The following MRPS18B variants were observed in gnomAD, a reference collection of about 807,000 sequenced individuals.
The protein encoded by MRPS18B is mitochondrial ribosomal protein S18B.
Under a neutral mutation model 28.4 loss-of-function variants are expected in MRPS18B, and 27 were observed. That is an observed-to-expected ratio of 0.95 (90% CI 0.70 to 1.31). MRPS18B has a LOEUF of 1.31. Ranked by LOEUF, MRPS18B falls within the 40% of genes most tolerant of loss-of-function variation. MRPS18B has a pLI of 0.00. For missense variants in MRPS18B, 343 were observed against 335.9 expected, an observed-to-expected ratio of 1.02 and a Z score of -0.17; for synonymous variants, 118 against 123.7, an observed-to-expected ratio of 0.95 and a Z score of 0.30.
chr6:30,625,537 C>G lies in MRPS18B; in HGVS notation c.517C>G (p.Arg173Gly), dbSNP rs760083966. ...LIYHIPQVEP[R>G]DLDFSTSHGA... is the part of the protein sequence containing the mutation. ...TTACCACATCCCCCAGGTTGAACCACGGGACCTTGACTTCAGTACCTCTCA... is the reference window on the plus strand; with the variant it reads ...TTACCACATCCCCCAGGTTGAACCAGGGGACCTTGACTTCAGTACCTCTCA... The change falls in exon 7 of 7, where the codon CGG (arginine) becomes GGG (glycine). Residue 173 changes from arginine (R) to glycine (G), a missense_variant. Transcript: ENST00000259873. 2.3e-5 allele frequency: 36 copies of G among 1,582,892 alleles called. No individual in the cohort carries two copies. The highest frequency in any genetic ancestry group is 2.6e-5 in the Non-Finnish European group (30 of 1,157,700).
At chr6:30,624,809 C>T in intron 5 of MRPS18B, 74 bp from the exon 6 acceptor site, 9 of 1,540,030 alleles carry the variant, frequency 5.8e-6, no homozygotes, top group Non-Finnish European at 7.2e-6. Flanking sequence ...ATCTACCCCT[C>T]TGTCACCATA....
intron 6 of MRPS18B, 105 bp from the exon 7 acceptor site, chr6:30,625,397 C>G: frequency 8.7e-7 from 1 of 1,151,876 alleles, no homozygotes; most frequent in East Asian, 2.4e-5. Context: ...CATAAATGTA[C>G]CTGGTGGCTC....
intron 5 of MRPS18B, 53 bp downstream of exon 5, chr6:30,622,951 G>A (rs1406256381): frequency 6.4e-7 from 1 of 1,562,142 alleles, no homozygotes; most frequent in Non-Finnish European, 8.8e-7. Flanking sequence ...GGCATGCCTT[G>A]TTTATGTAGT....
intron 1 of MRPS18B, chr6:30,618,432 A>ATT (rs1431256795): frequency 2.7e-4 from 46 of 167,328 alleles, no homozygotes; most frequent in Non-Finnish European, 5.2e-4. Flanking sequence ...CAATAAGGTC[A>ATT]GGATATATTC....
At position 30,625,927 on chromosome 6, in the gene MRPS18B, CTCG is replaced by C; in HGVS notation, c.*133_*135del. The stretch of plus-strand genomic sequence containing the variant: ...ACCAGCCTGGGCACCATGGTGAAAC[CTCG>C]TCTTTACCAAAAAATACAAAAATTA... On this transcript the variant is annotated 3_prime_UTR_variant, in exon 7 of 7. Transcript: ENST00000259873. 1 of 997,754 alleles carries C rather than the reference CTCG, an allele frequency of 1.0e-6. No individual in the cohort carries two copies. Among genetic ancestry groups the C allele is most frequent in the Non-Finnish European group, 1.5e-6 (1 of 685,900 alleles). 61.8% of individuals were successfully genotyped at this position (997,754 alleles called of 1,614,324 possible). A position where few individuals can be genotyped will look rare whatever the true frequency, so the allele number is the denominator to read the frequency against.
At chr6:30,622,990 C>T in intron 5 of MRPS18B, 92 bp downstream of exon 5, 2 of 1,268,798 alleles carry the variant, frequency 1.6e-6, no homozygotes. Context: ...TCAGTGGCTC[C>T]TGCTTATAGC....
chr6:30,626,100 A>C lies in MRPS18B; in HGVS notation c.*303A>C. Reference sequence around the variant, plus strand: ...GGTGACAGCTAGACCCTGTCTCAAAAAAAAAAAAAAAGACTGGGAAGAGAG... The same window carrying C: ...GGTGACAGCTAGACCCTGTCTCAAACAAAAAAAAAAAGACTGGGAAGAGAG... On this transcript the variant is annotated 3_prime_UTR_variant, in exon 7 of 7. Coordinates refer to ENST00000259873, the MANE Select transcript of MRPS18B (RefSeq NM_014046.4). The C allele has an allele frequency of 3.0e-6, 1 of 329,874 alleles. No homozygotes were observed. 20.4% of individuals were successfully genotyped at this position (329,874 alleles called of 1,614,324 possible).
chr6:30,622,744 T>C (rs974161731), intron 4 of MRPS18B, 88 bp from the exon 5 acceptor site: 2 of 1,244,214 alleles, frequency 1.6e-6, no homozygotes, highest in East Asian at 4.6e-5. Context: ...CATGTGGGTG[T>C]GTAGGGATTG....
rs35997671 is a variant in MRPS18B at position 30,626,096 on chromosome 6, CAAAA to C, written c.*311_*314del. ...CCTGGGTGACAGCTAGACCCTGTCT[CAAAA>C]AAAAAAAAAAAGACTGGGAAGAGAG... On this transcript the variant is annotated 3_prime_UTR_variant, in exon 7 of 7. Transcript: ENST00000259873. 576 of 204,486 alleles carry C rather than the reference CAAAA, an allele frequency of 2.8e-3. No homozygotes were observed. Among genetic ancestry groups the C allele is most frequent in the African/African-American group, 0.011 (383 of 33,790 alleles). The allele number at this position is 204,486 out of a possible 1,614,324, so 12.7% of individuals were successfully genotyped here. A position where few individuals can be genotyped will look rare whatever the true frequency, so the allele number is the denominator to read the frequency against.
At chr6:30,625,196 T>C (rs1478164899) in intron 6 of MRPS18B, among the ~76,000 whole-genome samples, 1 of 152,214 alleles carries the variant, frequency 6.6e-6, no homozygotes, top group African/African-American at 2.4e-5. Flanking sequence ...GGAAGTTCTT[T>C]ATATAAATGT....
chr6:30,623,353 AAG>A (rs1481910189), intron 5 of MRPS18B, among the ~76,000 whole-genome samples: 1 of 152,106 alleles, frequency 6.6e-6, no homozygotes, highest in East Asian at 1.9e-4. Flanking sequence ...AAAAAGGAAA[AAG>A]AAAAAAACAA....
chr6:30,618,621 A>G (rs550227874), intron 1 of MRPS18B: 1 of 152,442 alleles, frequency 6.6e-6, no homozygotes, highest in South Asian at 2.1e-4. Flanking sequence ...CCACTCCCTA[A>G]AGTGGGACTG....
intron 5 of MRPS18B, among the ~76,000 whole-genome samples, chr6:30,623,597 C>CA: frequency 6.6e-6 from 1 of 152,268 alleles, no homozygotes. Flanking sequence ...GGCCCACTGT[C>CA]ACGTCCATTT....
rs780202196 is a variant in MRPS18B, at chr6:30,619,478, T to TC, written c.79-14dup. ...CCTTAAACTCATTCTTTTATTTTTT[T>TC]CTTCTCCTTTGTAGGTTCCCCTCCA... On this transcript the variant is annotated splice_polypyrimidine_tract_variant and intron_variant, in intron 1 of 6. Transcript: ENST00000259873. The TC allele has an allele frequency of 1.3e-6, 2 of 1,597,166 alleles. No individual in the cohort carries two copies. Among genetic ancestry groups the TC allele is most frequent in the African/African-American group, 2.7e-5 (2 of 74,420 alleles).
chr6:30,618,131 AG>A (rs1760853483), intron 1 of MRPS18B, among the ~76,000 whole-genome samples, 188 bp downstream of exon 1: 1 of 141,872 alleles, frequency 7.0e-6, no homozygotes, highest in Non-Finnish European at 1.5e-5. Flanking sequence ...ACTAAACGCC[AG>A]GGTTAGGTAT....
In MRPS18B at chr6:30,625,688, A is replaced by G. The variant is rs1198818317; in HGVS notation, c.668A>G (p.His223Arg). 4 of 1,613,048 alleles carry G rather than the reference A, an allele frequency of 2.5e-6. No homozygotes were observed. The East Asian group carries it at 6.7e-5, about 27-fold the overall frequency. ...LSRLRRLYQG[H>R]LQEESGPPPE... ...CGCCTTCGCCGGCTTTACCAGGGTC[A>G]TCTCCAAGAAGAGAGTGGCCCCCCA... Residue 223 changes from histidine to arginine, a missense_variant, in exon 7 of 7, where the codon CAT becomes CGT. Transcript: ENST00000259873.
intron 1 of MRPS18B, 140 bp downstream of exon 1, chr6:30,618,083 C>A (rs1378726849): frequency 1.6e-5 from 13 of 804,126 alleles, no homozygotes; most frequent in South Asian, 1.1e-4. Flanking sequence ...TGCAACCCCC[C>A]CCCCACACCC....
At chr6:30,622,996 A>G (rs1157890734) in intron 5 of MRPS18B, 98 bp downstream of exon 5, 12 of 1,228,968 alleles carry the variant, frequency 9.8e-6, no homozygotes, top group Non-Finnish European at 1.3e-5. Flanking sequence ...GCTCCTGCTT[A>G]TAGCCTAAAA....
At chr6:30,625,002 C>T in intron 6 of MRPS18B, 60 bp downstream of exon 6, 1 of 1,577,894 alleles carries the variant, frequency 6.3e-7, no homozygotes, top group Non-Finnish European at 8.7e-7. Context: ...TGACTTAGGG[C>T]TAGAAAATGG....
Sources: allele counts gnomAD v4.1 joint callset (sites outside exome capture counted in the v4.1 genomes callset), GRCh38; gene constraint gnomAD v4.1.1; transcripts MANE v1.5; gene names NCBI Gene and HGNC (gene_info 2026-07-23, HGNC 2026-07-21).